Variants in RABGAP1L observed in about 807,000 individuals in gnomAD.
RABGAP1L encodes rab GTPase-activating protein 1-like.
In RABGAP1L, 63 loss-of-function variants were observed where a neutral mutation model predicts 137.7. The observed-to-expected ratio is 0.46, with a 90% CI of 0.37 to 0.56. RABGAP1L has a LOEUF of 0.56. RABGAP1L is among the 20% of genes least tolerant of loss of function. The pLI, the probability that RABGAP1L is intolerant of heterozygous loss-of-function variation, is 0.00. For synonymous variants in RABGAP1L, 431 were observed against 433.7 expected, an observed-to-expected ratio of 0.99 and a Z score of 0.08; for missense variants, 1,095 against 1,244.0, an observed-to-expected ratio of 0.88 and a Z score of 1.80.
intron 18 of RABGAP1L, among the ~76,000 whole-genome samples, chr1:174,757,887 G>C (rs997858664): frequency 6.6e-6 from 1 of 152,074 alleles, no homozygotes; most frequent in Non-Finnish European, 1.5e-5. Flanking sequence ...GCCAGGCGTG[G>C]TGGTGGGCAC....
intron 7 of RABGAP1L, among the ~76,000 whole-genome samples, chr1:174,254,956 A>G (rs1672995825): frequency 6.6e-6 from 1 of 152,216 alleles, no homozygotes; most frequent in South Asian, 2.1e-4. Context: ...TCCTGCCAGC[A>G]GTGTAAAAGT....
chr1:174,580,579 A>G (rs1307876831), intron 13 of RABGAP1L, among the ~76,000 whole-genome samples: 1 of 152,174 alleles, frequency 6.6e-6, no homozygotes, highest in Admixed American at 6.5e-5. Context: ...GAATCGAACA[A>G]TGAGAACACA....
At chr1:174,494,748 G>T (rs975592237) in intron 13 of RABGAP1L, among the ~76,000 whole-genome samples, 1 of 152,094 alleles carries the variant, frequency 6.6e-6, no homozygotes, top group African/African-American at 2.4e-5. Flanking sequence ...TTCACTGTGG[G>T]TTTCATTTAC....
At chr1:174,324,540 CTT>C (rs1316802099) in intron 11 of RABGAP1L, among the ~76,000 whole-genome samples, 1 of 152,120 alleles carries the variant, frequency 6.6e-6, no homozygotes, top group Non-Finnish European at 1.5e-5. Flanking sequence ...TAGAAATAGT[CTT>C]AAACTGTGAG....
intron 13 of RABGAP1L, among the ~76,000 whole-genome samples, chr1:174,435,820 A>C (rs1653214517): frequency 7.9e-6 from 1 of 126,098 alleles, no homozygotes; most frequent in African/African-American, 3.9e-5. Context: ...CCGACACCAC[A>C]ACCGTCCCCG....
intron 13 of RABGAP1L, among the ~76,000 whole-genome samples, chr1:174,633,037 G>A (rs73026417): frequency 0.016 from 2,363 of 152,098 alleles, 65 homozygotes; most frequent in African/African-American, 0.054. Context: ...GGCCAGGGCA[G>A]TCAGGCAGGA....
At chr1:174,962,044 G>A (rs1669167064) in intron 20 of RABGAP1L, among the ~76,000 whole-genome samples, 2 of 149,238 alleles carry the variant, frequency 1.3e-5, no homozygotes, top group African/African-American at 4.9e-5. Context: ...GCGTGGTGGT[G>A]GGCACCTGTA....
chr1:174,539,304 TTATTA>T (rs1273771812), intron 13 of RABGAP1L, among the ~76,000 whole-genome samples: 1 of 152,148 alleles, frequency 6.6e-6, no homozygotes, highest in African/African-American at 2.4e-5. Flanking sequence ...ATTATTTTCT[TTATTA>T]TACGTTAAGT....
intron 13 of RABGAP1L, among the ~76,000 whole-genome samples, chr1:174,624,925 C>T (rs1672830650): frequency 6.7e-6 from 1 of 148,510 alleles, no homozygotes; most frequent in Admixed American, 6.8e-5. Context: ...GGCTGGAGTG[C>T]AGTGGCGCAG....
intron 18 of RABGAP1L, among the ~76,000 whole-genome samples, chr1:174,791,337 A>G (rs1308360551): frequency 6.6e-6 from 1 of 152,334 alleles, no homozygotes; most frequent in Non-Finnish European, 1.5e-5. Context: ...TTAAACATAT[A>G]CCTAACATTC....
chr1:174,773,182 G>GTGTGTGTGTGTTTA (rs35089169), intron 18 of RABGAP1L, among the ~76,000 whole-genome samples: 18 of 151,872 alleles, frequency 1.2e-4, no homozygotes, highest in South Asian at 6.2e-4. Flanking sequence ...GTGTGTGTGT[G>GTGTGTGTGTGTTTA]TTTATTTTAA....
At chr1:174,617,604 T>G (rs1392369804) in intron 13 of RABGAP1L, among the ~76,000 whole-genome samples, 1 of 152,218 alleles carries the variant, frequency 6.6e-6, no homozygotes, top group Non-Finnish European at 1.5e-5. Context: ...AAATGTGCTG[T>G]TATAAAAGGG....
intron 18 of RABGAP1L, among the ~76,000 whole-genome samples, chr1:174,780,908 T>G (rs1273781277): frequency 6.6e-6 from 1 of 151,708 alleles, no homozygotes; most frequent in East Asian, 1.9e-4. Context: ...ACTCATCCTT[T>G]TTATGGCTGC....
At chr1:174,708,138 T>C (rs333419) in intron 17 of RABGAP1L, among the ~76,000 whole-genome samples, 22,106 of 152,144 alleles carry the variant, frequency 0.15, 5,367 homozygotes, top group African/African-American at 0.5. Context: ...TCTTCTCTTC[T>C]CAGGATGTTG....
chr1:174,925,425 G>T (rs1662611012), intron 19 of RABGAP1L, among the ~76,000 whole-genome samples: 1 of 151,026 alleles, frequency 6.6e-6, no homozygotes, highest in Non-Finnish European at 1.5e-5. Context: ...AAAAACCTTG[G>T]CAGGAGCATG....
chr1:174,171,142 A>T (rs1381583445), intron 1 of RABGAP1L, among the ~76,000 whole-genome samples: 1 of 152,206 alleles, frequency 6.6e-6, no homozygotes, highest in African/African-American at 2.4e-5. Context: ...TATGTAAATA[A>T]CAGGTGACCT....
At chr1:174,680,499 C>G (rs1188944759) in intron 14 of RABGAP1L, among the ~76,000 whole-genome samples, 2 of 152,146 alleles carry the variant, frequency 1.3e-5, no homozygotes, top group African/African-American at 4.8e-5. Flanking sequence ...TGTTTATAAG[C>G]TAATTAGTCT....
At chr1:174,874,108 C>A (rs1399638951) in intron 19 of RABGAP1L, among the ~76,000 whole-genome samples, 1 of 152,052 alleles carries the variant, frequency 6.6e-6, no homozygotes, top group African/African-American at 2.4e-5. Flanking sequence ...AATCTCAGAA[C>A]AACATTTAAA....
chr1:174,481,903 GAAAA>G (rs200531757), intron 13 of RABGAP1L, among the ~76,000 whole-genome samples: 2 of 140,928 alleles, frequency 1.4e-5, no homozygotes, highest in African/African-American at 5.2e-5. Context: ...GAAAAAAAAA[GAAAA>G]AAAAAAGAAA....
Sources: allele counts gnomAD v4.1 joint callset (sites outside exome capture counted in the v4.1 genomes callset), GRCh38; gene constraint gnomAD v4.1.1; transcripts MANE v1.5; gene names NCBI Gene and HGNC (gene_info 2026-07-23, HGNC 2026-07-21).